RERG: variants seen among roughly 807,000 people sequenced by gnomAD.
The protein encoded by RERG is RAS like estrogen regulated growth inhibitor, also known as ras-related and estrogen-regulated growth inhibitor.
Under a neutral mutation model 23.2 loss-of-function variants are expected in RERG, and 25 were observed. The ratio of observed to expected loss-of-function variants is 1.08; its 90% CI spans 0.79 to 1.50. RERG has a LOEUF of 1.50. Ranked by LOEUF, RERG falls within the 40% of genes most tolerant of loss-of-function variation. The pLI is 0.00. For synonymous variants in RERG, 81 were observed against 89.1 expected, an observed-to-expected ratio of 0.91 and a Z score of 0.51; for missense variants, 253 against 250.1, an observed-to-expected ratio of 1.01 and a Z score of -0.08.
At chr12:15,193,604 T>C (rs1865102349) in intron 2 of RERG, among the ~76,000 whole-genome samples, 1 of 152,182 alleles carries the variant, frequency 6.6e-6, no homozygotes, top group African/African-American at 2.4e-5. Flanking sequence ...GTCTCACTTT[T>C]GGTTCCCTCA....
chr12:15,110,714 G>A (rs982263289), intron 4 of RERG, among the ~76,000 whole-genome samples: 3 of 151,944 alleles, frequency 2.0e-5, no homozygotes, highest in African/African-American at 7.3e-5. Flanking sequence ...TCCTGTCCTT[G>A]TGATCTGCCA....
intron 2 of RERG, among the ~76,000 whole-genome samples, chr12:15,128,676 C>T (rs10772839): frequency 0.56 from 85,123 of 151,972 alleles, 25,120 homozygotes; most frequent in Admixed American, 0.7. Flanking sequence ...GGGAGCAAAG[C>T]TTGTGTTTTC....
chr12:15,110,132 G>A (rs1162458388), intron 4 of RERG, among the ~76,000 whole-genome samples: 1 of 151,908 alleles, frequency 6.6e-6, no homozygotes, highest in Non-Finnish European at 1.5e-5. Flanking sequence ...TAGTACCAAT[G>A]ACAGAAACTC....
chr12:15,187,077 C>T (rs190895956), intron 2 of RERG, among the ~76,000 whole-genome samples: 285 of 152,084 alleles, frequency 1.9e-3, no homozygotes, highest in African/African-American at 6.8e-3. Flanking sequence ...ACTATCTTAA[C>T]GATGGATAAA....
intron 1 of RERG, among the ~76,000 whole-genome samples, chr12:15,219,080 A>T (rs1423259866): frequency 6.6e-6 from 1 of 152,116 alleles, no homozygotes; most frequent in Non-Finnish European, 1.5e-5. Context: ...CTTAAACCTA[A>T]ATACAGCACA....
At chr12:15,209,963 T>C (rs1043225196) in intron 2 of RERG, among the ~76,000 whole-genome samples, 10 of 152,214 alleles carry the variant, frequency 6.6e-5, no homozygotes, top group Non-Finnish European at 1.2e-4. Context: ...TGTTTATTCA[T>C]GCTGAAATTA....
intron 2 of RERG, among the ~76,000 whole-genome samples, chr12:15,137,531 T>G (rs1039892017): frequency 6.6e-6 from 1 of 152,022 alleles, no homozygotes; most frequent in Admixed American, 6.6e-5. Context: ...TTTTTTATTA[T>G]ATCGATTTTA....
chr12:15,184,846 A>G (rs963348481), intron 2 of RERG, among the ~76,000 whole-genome samples: 3 of 152,208 alleles, frequency 2.0e-5, no homozygotes, highest in South Asian at 2.1e-4. Context: ...CATAGATTGC[A>G]TAACTTGAAA....
At chr12:15,124,661 C>T (rs1010434021) in intron 2 of RERG, among the ~76,000 whole-genome samples, 5 of 151,962 alleles carry the variant, frequency 3.3e-5, no homozygotes, top group Non-Finnish European at 5.9e-5. Flanking sequence ...ACAGCTATTG[C>T]TATATAACAA....
chr12:15,153,460 A>T (rs1157856820), intron 2 of RERG, among the ~76,000 whole-genome samples: 1 of 152,168 alleles, frequency 6.6e-6, no homozygotes, highest in Non-Finnish European at 1.5e-5. Flanking sequence ...CAGTCTTTAG[A>T]AATTTGCTTA....
rs1464912642 is a variant in RERG at position 15,221,374 on chromosome 12, G to A, written c.-294C>T. ...AGCAAGTGCCAGTGGCCCGGCGGGG[G>A]TCTCCTCACTCGCGCTCGCTCCGAC... On this transcript the variant is annotated 5_prime_UTR_variant, in exon 1 of 5. Coordinates refer to ENST00000256953, the MANE Select transcript of RERG (RefSeq NM_032918.3). 1 of 152,440 alleles carries A rather than the reference G, an allele frequency of 6.6e-6. No homozygotes were observed. The highest frequency in any genetic ancestry group is 2.1e-4 in the South Asian group (1 of 4,836). The allele number at this position is 152,440 out of a possible 1,614,324, so 9.4% of individuals were successfully genotyped here. A position where few individuals can be genotyped will look rare whatever the true frequency, so the allele number is the denominator to read the frequency against.
At chr12:15,199,048 G>C (rs943706532) in intron 2 of RERG, among the ~76,000 whole-genome samples, 2 of 152,104 alleles carry the variant, frequency 1.3e-5, no homozygotes, top group Non-Finnish European at 2.9e-5. Flanking sequence ...GCCTATCACA[G>C]TCTTCTCTCT....
At chr12:15,192,197 T>G (rs1353694691) in intron 2 of RERG, among the ~76,000 whole-genome samples, 2 of 152,160 alleles carry the variant, frequency 1.3e-5, no homozygotes, top group Non-Finnish European at 1.5e-5. Context: ...TTTACAAGTG[T>G]GCGGCATTTC....
At chr12:15,198,828 C>T (rs886150093) in intron 2 of RERG, among the ~76,000 whole-genome samples, 2 of 152,172 alleles carry the variant, frequency 1.3e-5, no homozygotes, top group African/African-American at 4.8e-5. Context: ...ACATCTCCCC[C>T]GACTTCAGCC....
At chr12:15,113,926 A>G (rs141079843) in intron 3 of RERG, among the ~76,000 whole-genome samples, 37 of 152,160 alleles carry the variant, frequency 2.4e-4, no homozygotes, top group African/African-American at 8.7e-4. Flanking sequence ...GTGTGGTACT[A>G]ATATCAGAAT....
chr12:15,179,503 C>G (rs1297291841), intron 2 of RERG, among the ~76,000 whole-genome samples: 4 of 152,146 alleles, frequency 2.6e-5, no homozygotes, highest in Non-Finnish European at 5.9e-5. Context: ...GTGCTGCAAT[C>G]AAATGTATAA....
chr12:15,131,567 C>T (rs563264684), intron 2 of RERG, among the ~76,000 whole-genome samples: 5 of 152,168 alleles, frequency 3.3e-5, no homozygotes, highest in Admixed American at 2.6e-4. Context: ...TACTAGGGCA[C>T]ATAAGAAATT....
intron 2 of RERG, among the ~76,000 whole-genome samples, chr12:15,182,249 G>C (rs900540537): frequency 6.6e-6 from 1 of 151,924 alleles, no homozygotes; most frequent in African/African-American, 2.4e-5. Flanking sequence ...GTAGAGACGG[G>C]ATTTCTCCAT....
At chr12:15,117,464 G>A (rs1863743849) in intron 3 of RERG, among the ~76,000 whole-genome samples, 1 of 152,098 alleles carries the variant, frequency 6.6e-6, no homozygotes, top group South Asian at 2.1e-4. Flanking sequence ...TCGTATGAAC[G>A]ATTCCAAGCA....
Sources: allele counts gnomAD v4.1 joint callset (sites outside exome capture counted in the v4.1 genomes callset), GRCh38; gene constraint gnomAD v4.1.1; transcripts MANE v1.5; gene names NCBI Gene and HGNC (gene_info 2026-07-23, HGNC 2026-07-21).